AP2B1: variants seen among roughly 807,000 people sequenced by gnomAD.
AP2B1 encodes adaptor related protein complex 2 subunit beta 1, also known as AP-2 complex subunit beta.
A neutral mutation model predicts 102.0 loss-of-function variants in AP2B1; 23 were observed. That is an observed-to-expected ratio of 0.23 (90% CI 0.16 to 0.32). The LOEUF is 0.32. Among genes scored for constraint, AP2B1 ranks in the 10% least tolerant of loss-of-function variants. AP2B1 has a pLI of 1.00. For synonymous variants in AP2B1, 381 were observed against 421.2 expected, an observed-to-expected ratio of 0.90 and a Z score of 1.17; for missense variants, 541 against 1,157.4, an observed-to-expected ratio of 0.47 and a Z score of 7.73.
chr17:35,652,315 T>C (rs2142839568), intron 13 of AP2B1, among the ~76,000 whole-genome samples: 1 of 152,300 alleles, frequency 6.6e-6, no homozygotes, highest in East Asian at 1.9e-4. Flanking sequence ...TGTAATAGTA[T>C]TGACATTACC....
intron 5 of AP2B1, among the ~76,000 whole-genome samples, chr17:35,611,357 G>T (rs150999472): frequency 1.4e-4 from 22 of 152,172 alleles, no homozygotes; most frequent in Non-Finnish European, 2.6e-4. Flanking sequence ...ACTTACAGGC[G>T]ACTCCAGTTT....
chr17:35,685,751 A>C (rs2075916748), intron 18 of AP2B1, among the ~76,000 whole-genome samples: 1 of 152,186 alleles, frequency 6.6e-6, no homozygotes, highest in Non-Finnish European at 1.5e-5. Flanking sequence ...AAAATTTAAA[A>C]GATACCATTC....
intron 18 of AP2B1, among the ~76,000 whole-genome samples, chr17:35,697,318 T>TTAAC (rs1166170862): frequency 6.6e-6 from 1 of 152,270 alleles, no homozygotes; most frequent in Non-Finnish European, 1.5e-5. Flanking sequence ...ATAGCACATG[T>TTAAC]TAACTGTGCT....
intron 18 of AP2B1, among the ~76,000 whole-genome samples, chr17:35,700,141 C>T (rs2076214415): frequency 6.6e-6 from 1 of 151,706 alleles, no homozygotes; most frequent in Non-Finnish European, 1.5e-5. Flanking sequence ...ATGGTAGATA[C>T]CTTTTGGCGT....
chr17:35,652,964 T>C (rs1197530058), intron 13 of AP2B1, among the ~76,000 whole-genome samples: 1 of 152,228 alleles, frequency 6.6e-6, no homozygotes, highest in Non-Finnish European at 1.5e-5. Context: ...ACTTCTTTCT[T>C]AAAGCCTTTT....
At chr17:35,666,696 A>G (rs77774791) in intron 14 of AP2B1, among the ~76,000 whole-genome samples, 3,677 of 152,126 alleles carry the variant, frequency 0.024, 136 homozygotes, top group East Asian at 0.19. Context: ...CATACCCTGC[A>G]CTCCTATTCC....
chr17:35,637,925 T>TCC (rs753433510), intron 10 of AP2B1, among the ~76,000 whole-genome samples: 1 of 151,454 alleles, frequency 6.6e-6, no homozygotes, highest in East Asian at 2.0e-4. Context: ...CCTCAAGTGA[T>TCC]CCCCCCCACC....
At chr17:35,631,431 T>C (rs1226144421) in intron 9 of AP2B1, among the ~76,000 whole-genome samples, 2 of 152,196 alleles carry the variant, frequency 1.3e-5, no homozygotes. Context: ...CTCTCTCAGA[T>C]ATGCAGTGGA....
At chr17:35,619,279 A>G (rs1424525057) in intron 5 of AP2B1, among the ~76,000 whole-genome samples, 2 of 152,248 alleles carry the variant, frequency 1.3e-5, no homozygotes, top group African/African-American at 2.4e-5. Context: ...CATTTTAGCT[A>G]TTCCAGTCTT....
intron 6 of AP2B1, among the ~76,000 whole-genome samples, chr17:35,624,844 C>T (rs2074275100): frequency 1.3e-5 from 2 of 152,126 alleles, no homozygotes; most frequent in African/African-American, 4.8e-5. Flanking sequence ...GTCTCCCATG[C>T]ACAGTTCTTG....
At chr17:35,608,524 G>C in intron 5 of AP2B1, 137 bp downstream of exon 5, 1 of 1,085,502 alleles carries the variant, frequency 9.2e-7, no homozygotes, top group East Asian at 2.4e-5. Context: ...GTGTCTCACA[G>C]ATTGTATATT....
In AP2B1 at chr17:35,674,191, G is replaced by GTAAAGGC; in HGVS notation, c.2203_2209dup (p.Leu737Ter). ...TGTGTTTCAGGTCTGGCTACCTGCA[G>GTAAAGGC]TAAAGGCTAAAGGCTTGGAGATTTC... On this transcript the variant is annotated frameshift_variant, in exon 17 of 22. Transcript: ENST00000610402. LOFTEE classifies it high-confidence loss of function. 1 of 1,614,134 alleles carries GTAAAGGC rather than the reference G, an allele frequency of 6.2e-7. No homozygotes were observed. Among genetic ancestry groups the GTAAAGGC allele is most frequent in the South Asian group, 1.1e-5 (1 of 91,084 alleles).
At chr17:35,690,082 G>A (rs2076011388) in intron 18 of AP2B1, among the ~76,000 whole-genome samples, 1 of 152,072 alleles carries the variant, frequency 6.6e-6, no homozygotes, top group African/African-American at 2.4e-5. Flanking sequence ...ATATGTGTTA[G>A]ACTACTGGAT....
At chr17:35,700,753 A>T (rs2076224517) in intron 18 of AP2B1, among the ~76,000 whole-genome samples, 1 of 152,206 alleles carries the variant, frequency 6.6e-6, no homozygotes, top group African/African-American at 2.4e-5. Context: ...TTTCTATACT[A>T]TGGAAAGAAA....
chr17:35,662,333 A>G (rs1007779726), intron 14 of AP2B1, among the ~76,000 whole-genome samples: 8 of 152,102 alleles, frequency 5.3e-5, no homozygotes, highest in African/African-American at 1.9e-4. Context: ...CAGGTAGTTT[A>G]TTCCATCTGT....
At chr17:35,680,027 A>G (rs899788685) in intron 17 of AP2B1, among the ~76,000 whole-genome samples, 1 of 150,630 alleles carries the variant, frequency 6.6e-6, no homozygotes, top group East Asian at 2.0e-4. Flanking sequence ...CCCGGGTTCC[A>G]AGTAGCTGGG....
At chr17:35,697,649 G>A (rs1011042506) in intron 18 of AP2B1, among the ~76,000 whole-genome samples, 2 of 152,198 alleles carry the variant, frequency 1.3e-5, no homozygotes, top group Non-Finnish European at 2.9e-5. Context: ...AGACACAAAA[G>A]TGTAAGGAGG....
chr17:35,657,893 G>A (rs1598199955), intron 14 of AP2B1, 102 bp downstream of exon 14: 5 of 991,202 alleles, frequency 5.0e-6, no homozygotes, highest in Non-Finnish European at 5.9e-6. Context: ...TTTCCTTGAT[G>A]AGCAGTAGTG....
rs561922358 is a variant in AP2B1, at chr17:35,654,737, G to A, written c.1797-2862G>A. 5.1e-4 allele frequency among the ~76,000 whole-genome samples: 78 copies of A among 151,814 alleles called. No homozygotes were observed. In the South Asian group the frequency reaches 0.012, roughly 23 times the overall value. ...TCTCGTTTAGAGTTTATTTAAGATC[G>A]GCTTTACTTTTTCCTTAAATGTTTG... On this transcript the variant is annotated intron_variant, in intron 13 of 21. Transcript: ENST00000610402.
Sources: gnomAD v4.1 joint callset for allele counts (sites outside exome capture counted in the v4.1 genomes callset) on GRCh38, gnomAD v4.1.1 for gene constraint, MANE v1.5 for transcripts, NCBI Gene and HGNC (gene_info 2026-07-23, HGNC 2026-07-21) for gene names.